The following RYR2 variants were observed in gnomAD, a reference collection of about 807,000 sequenced individuals.
RYR2 encodes the protein cardiac muscle ryanodine receptor-calcium release channel.
RYR2 carries 227 observed loss-of-function variants against 601.1 expected under a neutral mutation model. The ratio of observed to expected loss-of-function variants is 0.38; its 90% CI spans 0.34 to 0.42. RYR2 has a LOEUF of 0.42. RYR2 is among the 10% of genes least tolerant of loss of function. RYR2 has a pLI of 1.00. For synonymous variants in RYR2, 2,223 were observed against 2,175.1 expected, an observed-to-expected ratio of 1.02 and a Z score of -0.61; for missense variants, 4,646 against 6,156.5, an observed-to-expected ratio of 0.75 and a Z score of 8.21.
intron 1 of RYR2, among the ~76,000 whole-genome samples, chr1:237,092,610 A>G (rs996616775): frequency 1.4e-4 from 21 of 150,018 alleles, no homozygotes; most frequent in African/African-American, 5.2e-4. Flanking sequence ...GCTCACTGCA[A>G]CCTCCGCCTC....
At chr1:237,823,158 A>C (rs1020189589) in intron 101 of RYR2, among the ~76,000 whole-genome samples, 3 of 152,330 alleles carry the variant, frequency 2.0e-5, no homozygotes, top group Admixed American at 2.0e-4. Flanking sequence ...CAGGACTTGA[A>C]CTCAGCTCTG....
At chr1:237,237,946 C>CCTTTCCTTTCCTTTCCTTTT (rs1553357512) in intron 1 of RYR2, among the ~76,000 whole-genome samples, 3 of 2,050 alleles carry the variant, frequency 1.5e-3, no homozygotes, top group African/African-American at 1.7e-3. Flanking sequence ...TTTCCTTTCC[C>CCTTTCCTTTCCTTTCCTTTT]CTTTCCTTTC....
chr1:237,569,810 T>C (rs1337606646), intron 29 of RYR2, among the ~76,000 whole-genome samples: 1 of 152,154 alleles, frequency 6.6e-6, no homozygotes, highest in Non-Finnish European at 1.5e-5. Flanking sequence ...ACAGTTTCTG[T>C]TTAGTGGCTA....
At chr1:237,064,952 C>A (rs146692972) in intron 1 of RYR2, among the ~76,000 whole-genome samples, 4 of 152,018 alleles carry the variant, frequency 2.6e-5, no homozygotes, top group African/African-American at 7.2e-5. Flanking sequence ...TCTATCATAA[C>A]CTGGAACTGA....
At chr1:237,626,595 T>C (rs1484771676) in intron 40 of RYR2, among the ~76,000 whole-genome samples, 7 of 128,588 alleles carry the variant, frequency 5.4e-5, no homozygotes, top group African/African-American at 2.1e-4. Context: ...TTTTTTTTTT[T>C]TTTTTTTTTT....
intron 27 of RYR2, among the ~76,000 whole-genome samples, chr1:237,563,449 G>C (rs986590070): frequency 1.4e-5 from 2 of 145,032 alleles, no homozygotes; most frequent in African/African-American, 2.5e-5. Context: ...AAAATCCACA[G>C]AGATTAAAAA....
At position 237,304,958 on chromosome 1, in the gene RYR2, C is replaced by T. The variant is rs923931075; in HGVS notation, c.169-25920C>T. Among the ~76,000 whole-genome samples, 7 of 152,194 alleles carry T rather than the reference C, an allele frequency of 4.6e-5. No homozygotes were observed. In the East Asian group the frequency reaches 5.8e-4, roughly 13 times the overall value. On this transcript the variant is annotated intron_variant, in intron 2 of 104. Transcript: ENST00000366574. ...CAGATGATCATTTATAATATGAAAA[C>T]ATCAGCCTCATTATTAATTGTAGAA...
chr1:237,786,442 T>A (rs187152010), intron 91 of RYR2, among the ~76,000 whole-genome samples: 1 of 152,340 alleles, frequency 6.6e-6, no homozygotes, highest in Non-Finnish European at 1.5e-5. Flanking sequence ...CATAGAATCC[T>A]GTGGAGTGGT....
chr1:237,055,344 A>G (rs1324702179), intron 1 of RYR2, among the ~76,000 whole-genome samples: 1 of 152,168 alleles, frequency 6.6e-6, no homozygotes, highest in Non-Finnish European at 1.5e-5. Flanking sequence ...AAAATGGGTC[A>G]GAGCTGTCCA....
chr1:237,222,984 G>A (rs1015294449), intron 1 of RYR2, among the ~76,000 whole-genome samples: 2 of 152,092 alleles, frequency 1.3e-5, no homozygotes, highest in East Asian at 1.9e-4. Context: ...CAGGAGAATC[G>A]CTTGAACCCA....
chr1:237,712,148 A>G (rs1220710976), intron 71 of RYR2, among the ~76,000 whole-genome samples: 1 of 152,086 alleles, frequency 6.6e-6, no homozygotes, highest in Non-Finnish European at 1.5e-5. Flanking sequence ...CAGGAGGTAG[A>G]GAGAGCAAGG....
rs531389046 is a variant in RYR2 at position 237,438,797 on chromosome 1, C to T, written c.1006-2522C>T. 1.4e-4 allele frequency among the ~76,000 whole-genome samples: 21 copies of T among 152,314 alleles called. No individual in the cohort carries two copies. In the South Asian group the frequency reaches 2.9e-3, roughly 21 times the overall value. ...GCAAAAGGCAGCCACCTACCAATCA[C>T]GCAAGGTGCTATTTGTCTTTTGAGA... On this transcript the variant is annotated intron_variant, in intron 12 of 104. Coordinates refer to ENST00000366574, the MANE Select transcript of RYR2 (RefSeq NM_001035.3).
chr1:237,127,977 T>C (rs1414661693), intron 1 of RYR2, among the ~76,000 whole-genome samples: 13 of 151,298 alleles, frequency 8.6e-5, no homozygotes, highest in African/African-American at 2.2e-4. Context: ...ACTTCCCAGA[T>C]GGGGTGGCGG....
intron 3 of RYR2, among the ~76,000 whole-genome samples, chr1:237,342,904 G>A (rs529128491): frequency 6.6e-6 from 1 of 152,172 alleles, no homozygotes; most frequent in South Asian, 2.1e-4. Flanking sequence ...AAGCCTTGCA[G>A]TATCTGACAA....
intron 25 of RYR2, among the ~76,000 whole-genome samples, chr1:237,546,656 T>C (rs2618665): frequency 0.95 from 144,311 of 152,112 alleles, 68,919 homozygotes; most frequent in East Asian, 1. Context: ...GCTGGGATTA[T>C]AGAAGTGAGC....
At chr1:237,563,381 A>G (rs1671647579) in intron 27 of RYR2, among the ~76,000 whole-genome samples, 1 of 148,874 alleles carries the variant, frequency 6.7e-6, no homozygotes, top group Non-Finnish European at 1.5e-5. Context: ...ATCGCACTCC[A>G]GCCTGGGCAA....
intron 64 of RYR2, among the ~76,000 whole-genome samples, chr1:237,699,972 G>A (rs985316873): frequency 1.3e-5 from 2 of 152,166 alleles, no homozygotes; most frequent in African/African-American, 4.8e-5. Flanking sequence ...TTAGTGATAA[G>A]CATACAGCAT....
chr1:237,747,062 TA>T (rs1692144583), intron 80 of RYR2, among the ~76,000 whole-genome samples: 1 of 152,208 alleles, frequency 6.6e-6, no homozygotes, highest in Non-Finnish European at 1.5e-5. Flanking sequence ...TAGCATTAAA[TA>T]ATAATTTATT....
At chr1:237,685,010 C>T (rs1686255567) in intron 62 of RYR2, among the ~76,000 whole-genome samples, 1 of 151,548 alleles carries the variant, frequency 6.6e-6, no homozygotes, top group Non-Finnish European at 1.5e-5. Context: ...ATGCCAAGTA[C>T]TGTTGACAGA....
Sources: gnomAD v4.1 joint callset for allele counts (sites outside exome capture counted in the v4.1 genomes callset) on GRCh38, gnomAD v4.1.1 for gene constraint, MANE v1.5 for transcripts, NCBI Gene and HGNC (gene_info 2026-07-23, HGNC 2026-07-21) for gene names.